CDH6: variants seen among roughly 807,000 people sequenced by gnomAD.
The protein encoded by CDH6 is cadherin-6.
CDH6 carries 31 observed loss-of-function variants against 78.0 expected under a neutral mutation model. The ratio of observed to expected loss-of-function variants is 0.40; its 90% CI spans 0.30 to 0.54. CDH6 has a LOEUF of 0.54. CDH6 is among the 20% of genes least tolerant of loss of function. The pLI is 0.56. For missense variants in CDH6, 724 were observed against 975.9 expected (o/e 0.74, Z 3.44); for synonymous variants, 376 against 368.8 (o/e 1.02, Z -0.23).
intron 7 of CDH6, among the ~76,000 whole-genome samples, chr5:31,307,238 G>T (rs967546368): frequency 6.6e-6 from 1 of 152,158 alleles, no homozygotes; most frequent in Non-Finnish European, 1.5e-5. Context: ...CTAAAACTCC[G>T]TTTTAAAAGG....
rs2149963480 is a variant in CDH6 at position 31,325,578 on chromosome 5, G to T, written c.*2270G>T. 1 of 230,898 alleles carries T rather than the reference G, an allele frequency of 4.3e-6. No individual in the cohort carries two copies. The highest frequency in any genetic ancestry group is 6.2e-5 in the East Asian group (1 of 16,190). 14.3% of individuals were successfully genotyped at this position (230,898 alleles called of 1,614,324 possible). The stretch of plus-strand genomic sequence containing the variant: ...ATCAAGGAAGATAGTCCTGTAAAAA[G>T]AAAGGTATCATCTGAAGTTGAGGAT... On this transcript the variant is annotated 3_prime_UTR_variant, in exon 12 of 12. Transcript: ENST00000265071.
chr5:31,204,635 C>T (rs1028268609), intron 1 of CDH6, among the ~76,000 whole-genome samples: 1 of 152,118 alleles, frequency 6.6e-6, no homozygotes, highest in Non-Finnish European at 1.5e-5. Flanking sequence ...CTCACTAAAC[C>T]AAAATGGATT....
intron 2 of CDH6, among the ~76,000 whole-genome samples, chr5:31,268,968 C>T (rs1209244523): frequency 6.6e-6 from 1 of 152,102 alleles, no homozygotes; most frequent in Non-Finnish European, 1.5e-5. Context: ...AAGGATCTAG[C>T]CATGTATTTG....
chr5:31,224,201 G>A (rs2111837345), intron 1 of CDH6, among the ~76,000 whole-genome samples: 1 of 152,316 alleles, frequency 6.6e-6, no homozygotes, highest in South Asian at 2.1e-4. Flanking sequence ...CACATGGATG[G>A]CAGTAGGCAA....
rs112091739 is a variant in CDH6 at position 31,220,544 on chromosome 5, A to G, written c.-129+26658A>G. Among the ~76,000 whole-genome samples, 969 of 152,294 alleles carry G rather than the reference A, an allele frequency of 6.4e-3. 14 individuals are homozygous for G. The highest frequency in any genetic ancestry group is 0.024 in the Middle Eastern group (7 of 294). Reference sequence around the variant, plus strand: ...ACTGAACTAGGTGCTAAGTATACATAGGTGAATAAAATAGACACAGTCCCT... The same window carrying G: ...ACTGAACTAGGTGCTAAGTATACATGGGTGAATAAAATAGACACAGTCCCT... On this transcript the variant is annotated intron_variant, in intron 1 of 11. Coordinates refer to ENST00000265071, the MANE Select transcript of CDH6 (RefSeq NM_004932.4).
At chr5:31,233,088 C>T (rs1357136281) in intron 1 of CDH6, among the ~76,000 whole-genome samples, 4 of 152,082 alleles carry the variant, frequency 2.6e-5, no homozygotes, top group Non-Finnish European at 4.4e-5. Flanking sequence ...TACACACACA[C>T]GCGTACATAG....
chr5:31,298,811 A>G (rs898010911), intron 4 of CDH6, among the ~76,000 whole-genome samples: 3 of 152,198 alleles, frequency 2.0e-5, no homozygotes, highest in African/African-American at 7.2e-5. Context: ...ACTAAAGTTC[A>G]CGGTCAGCTT....
intron 1 of CDH6, among the ~76,000 whole-genome samples, chr5:31,233,664 G>T (rs1329390368): frequency 2.0e-5 from 3 of 152,050 alleles, no homozygotes. Flanking sequence ...TTTCTTTCCT[G>T]TGTGGCTACG....
At chr5:31,299,396 C>A in intron 4 of CDH6, 68 bp from the exon 5 acceptor site, 1 of 1,278,868 alleles carries the variant, frequency 7.8e-7, no homozygotes, top group Non-Finnish European at 1.1e-6. Context: ...ATGTTGTTTG[C>A]ATAAATCAAT....
At position 31,244,709 on chromosome 5, in the gene CDH6, T is replaced by C. The variant is rs114555854; in HGVS notation, c.-128-22637T>C. Reference sequence around the variant, plus strand: ...TGGGGTTGCCTTGGGCTGTAAACAATAGGGCTGCCTCGAGGAACAAGGTGG... The same window carrying C: ...TGGGGTTGCCTTGGGCTGTAAACAACAGGGCTGCCTCGAGGAACAAGGTGG... On this transcript the variant is annotated intron_variant, in intron 1 of 11. Transcript: ENST00000265071. Among the ~76,000 whole-genome samples the C allele has an allele frequency of 6.6e-3, 1,008 of 152,264 alleles. 4 individuals are homozygous for C. Among genetic ancestry groups the C allele is most frequent in the Non-Finnish European group, 0.012 (790 of 68,014 alleles).
At chr5:31,262,998 T>G (rs1742249642) in intron 1 of CDH6, among the ~76,000 whole-genome samples, 1 of 152,196 alleles carries the variant, frequency 6.6e-6, no homozygotes, top group South Asian at 2.1e-4. Context: ...GCATACTAAT[T>G]TTTTTCCCAT....
intron 1 of CDH6, among the ~76,000 whole-genome samples, chr5:31,256,101 T>C (rs931187315): frequency 6.6e-6 from 1 of 152,194 alleles, no homozygotes; most frequent in Admixed American, 6.5e-5. Context: ...CTGTAATGCA[T>C]TGATTGACCT....
chr5:31,209,132 A>G (rs1740620987), intron 1 of CDH6, among the ~76,000 whole-genome samples: 2 of 152,224 alleles, frequency 1.3e-5, no homozygotes, highest in South Asian at 4.1e-4. Context: ...TTACTAATCA[A>G]TAGAATAGAA....
intron 7 of CDH6, among the ~76,000 whole-genome samples, chr5:31,310,446 C>T (rs1027125224): frequency 6.6e-6 from 1 of 152,204 alleles, no homozygotes; most frequent in African/African-American, 2.4e-5. Flanking sequence ...GCTCATGGTG[C>T]AAGCTATTGG....
chr5:31,302,905 AAGAAAGAAAG>A (rs1269639616), intron 6 of CDH6, among the ~76,000 whole-genome samples: 2 of 87,908 alleles, frequency 2.3e-5, no homozygotes, highest in African/African-American at 7.4e-5. Flanking sequence ...GAAAGAAAAA[AAGAAAGAAAG>A]AAAGAAAGAA....
chr5:31,323,906 A>AT lies in CDH6; in HGVS notation c.*599dup, dbSNP rs1738546806. 4.4e-6 allele frequency: 1 copy of AT among 229,192 alleles called. No individual in the cohort carries two copies. The highest frequency in any genetic ancestry group is 8.6e-6 in the Non-Finnish European group (1 of 115,654). 14.2% of individuals were successfully genotyped at this position (229,192 alleles called of 1,614,324 possible). On this transcript the variant is annotated 3_prime_UTR_variant, in exon 12 of 12. Transcript: ENST00000265071. ...TTAAAATTCTCATTACTCTTAAGGA[A>AT]TAGAAGCAAATTAAACGGTAACATC...
At chr5:31,320,364 G>A (rs963776606) in intron 11 of CDH6, among the ~76,000 whole-genome samples, 2 of 152,102 alleles carry the variant, frequency 1.3e-5, no homozygotes, top group African/African-American at 4.8e-5. Flanking sequence ...GCTTTCAGAC[G>A]TGCATAAGAC....
chr5:31,200,229 G>T (rs950408938), intron 1 of CDH6, among the ~76,000 whole-genome samples: 3 of 152,074 alleles, frequency 2.0e-5, no homozygotes, highest in African/African-American at 7.2e-5. Flanking sequence ...TTTTATATGA[G>T]AATAAATTAT....
intron 2 of CDH6, among the ~76,000 whole-genome samples, chr5:31,275,340 C>T (rs929717210): frequency 4.6e-5 from 7 of 152,062 alleles, no homozygotes; most frequent in Non-Finnish European, 1.0e-4. Context: ...AACTCCTGCC[C>T]CTCTCCCTCC....
Sources: gnomAD v4.1 joint callset for allele counts (sites outside exome capture counted in the v4.1 genomes callset) on GRCh38, gnomAD v4.1.1 for gene constraint, MANE v1.5 for transcripts, NCBI Gene and HGNC (gene_info 2026-07-23, HGNC 2026-07-21) for gene names.